COL17A1: variants seen among roughly 807,000 people sequenced by gnomAD.
COL17A1 encodes collagen type XVII alpha 1 chain, also known as collagen alpha-1(XVII) chain.
A neutral mutation model predicts 218.4 loss-of-function variants in COL17A1; 181 were observed. The observed-to-expected ratio is 0.83, with a 90% CI of 0.73 to 0.94. The LOEUF (loss-of-function observed/expected upper bound fraction) is 0.94. COL17A1 is among the 40% of genes least tolerant of loss of function. The pLI is 0.00. For synonymous variants in COL17A1, 721 were observed against 731.0 expected (o/e 0.99, Z 0.22); for missense variants, 1,924 against 1,945.9 (o/e 0.99, Z 0.21).
intron 48 of COL17A1, among the ~76,000 whole-genome samples, chr10:104,036,077 A>AGTGT (rs371975121): frequency 2.2e-5 from 1 of 44,718 alleles, no homozygotes; most frequent in African/African-American, 1.1e-4. Context: ...TGTGTATGGG[A>AGTGT]GTGTGTATGG....
At chr10:104,057,762 C>T (rs1048680654) in intron 16 of COL17A1, among the ~76,000 whole-genome samples, 5 of 152,064 alleles carry the variant, frequency 3.3e-5, no homozygotes, top group East Asian at 3.9e-4. Flanking sequence ...TTCTATCACA[C>T]GGCGGTGGAA....
chr10:104,054,505 T>C (rs2086500838), intron 20 of COL17A1, among the ~76,000 whole-genome samples: 1 of 151,762 alleles, frequency 6.6e-6, no homozygotes, highest in Non-Finnish European at 1.5e-5. Flanking sequence ...AGGGTGTGGG[T>C]GGCAAGGATC....
chr10:104,078,419 T>G, intron 3 of COL17A1, 123 bp downstream of exon 3: 1 of 1,214,828 alleles, frequency 8.2e-7, no homozygotes, highest in South Asian at 1.3e-5. Flanking sequence ...GTATAGAAAT[T>G]AATGTCAATA....
chr10:104,055,329 T>C, intron 19 of COL17A1, 43 bp downstream of exon 19: 1 of 1,613,800 alleles, frequency 6.2e-7, no homozygotes, highest in African/African-American at 1.3e-5. Context: ...CACTTCCAAC[T>C]GCAGGAAATG....
At chr10:104,037,234 G>T (rs2086309185) in intron 46 of COL17A1, 121 bp from the exon 47 acceptor site, 2 of 841,160 alleles carry the variant, frequency 2.4e-6, no homozygotes, top group Non-Finnish European at 3.9e-6. Context: ...TGGATGAATG[G>T]AGTATTACGA....
chr10:104,043,451 A>G (rs1589561146), intron 35 of COL17A1, 50 bp downstream of exon 35: 2 of 1,508,604 alleles, frequency 1.3e-6, no homozygotes, highest in African/African-American at 1.4e-5. Flanking sequence ...TAGAGTCACT[A>G]CCGCCAAGAC....
Position 104,037,146 on chromosome 10 carries a change from A to G in COL17A1, c.3209-33T>C, listed in dbSNP as rs767432495. 3.2e-6 allele frequency: 5 copies of G among 1,576,502 alleles called. No individual in the cohort carries two copies. In the Admixed American group the frequency reaches 9.2e-5, roughly 29 times the overall value. On this transcript the variant is annotated intron_variant, in intron 46 of 55. Transcript: ENST00000648076. ...GAAGAAAACCTCAGGTTACCTGCTT[A>G]GCAGGTACTGAAGCAACACCCTCAC...
rs2134559909 is a variant in COL17A1, at chr10:104,032,746, C to T, written c.4366G>A (p.Gly1456Ser). Residue 1456 changes from glycine to serine, a missense_variant, in exon 55 of 56, where the codon GGC becomes AGC. By Grantham distance (56) the Gly-to-Ser change is moderately conservative. Transcript: ENST00000648076. ...GGATGACCTGGTGGCCCAGCAGGGC[C>T]CCTGTCACCTGGAAGGAAAAATGGG... ...MGTPGPKGDR[G>S]PAGPPGHPGP... The T allele has an allele frequency of 1.2e-6, 2 of 1,614,172 alleles. No homozygotes were observed. Among genetic ancestry groups the T allele is most frequent in the African/African-American group, 2.7e-5 (2 of 75,048 alleles).
At chr10:104,032,355 G>A in intron 55 of COL17A1, 65 bp from the exon 56 acceptor site, 1 of 1,343,782 alleles carries the variant, frequency 7.4e-7, no homozygotes, top group South Asian at 1.2e-5. Flanking sequence ...TCTTGGCTTG[G>A]GCAATTATGG....
intron 12 of COL17A1, 29 bp from the exon 13 acceptor site, chr10:104,061,502 G>A (rs373578853): frequency 1.5e-4 from 244 of 1,606,816 alleles, no homozygotes; most frequent in Middle Eastern, 5.2e-4. Context: ...GGTCAGCATG[G>A]GAGGGTGGTT....
At chr10:104,042,388 A>G in intron 36 of COL17A1, 32 bp downstream of exon 36, 3 of 1,613,568 alleles carry the variant, frequency 1.9e-6, no homozygotes, top group Non-Finnish European at 1.7e-6. Flanking sequence ...GACTGGGCCC[A>G]TCGCTTTGCA....
rs903325898 is a variant in COL17A1, at chr10:104,036,423, G to A, written c.3418+69C>T. On this transcript the variant is annotated intron_variant, in intron 48 of 55. Transcript: ENST00000648076. Reference sequence around the variant, plus strand: ...GGGTCAGTGGGGCAATCACAGGGAAGTTCACGCTGCGAGTCCTCATCCCAG... The same window carrying A: ...GGGTCAGTGGGGCAATCACAGGGAAATTCACGCTGCGAGTCCTCATCCCAG... The A allele has an allele frequency of 4.0e-5, 65 of 1,605,660 alleles. No homozygotes were observed. In the African/African-American group the frequency reaches 8.2e-4, roughly 20 times the overall value.
intron 7 of COL17A1, among the ~76,000 whole-genome samples, chr10:104,072,318 A>G (rs1235275735): frequency 6.6e-6 from 1 of 152,122 alleles, no homozygotes; most frequent in Non-Finnish European, 1.5e-5. Context: ...TGTTCTAATA[A>G]AATTCCAGGC....
At chr10:104,053,343 A>G (rs967722782) in intron 22 of COL17A1, among the ~76,000 whole-genome samples, 6 of 152,086 alleles carry the variant, frequency 3.9e-5, no homozygotes, top group African/African-American at 1.4e-4. Context: ...CTCTGCCCCA[A>G]ACCTGCACAT....
chr10:104,066,372 A>G (rs550080865), intron 9 of COL17A1, among the ~76,000 whole-genome samples: 1 of 152,216 alleles, frequency 6.6e-6, no homozygotes, highest in Non-Finnish European at 1.5e-5. Context: ...AAAGCAAAAA[A>G]TGATAAAGTA....
chr10:104,049,303 G>T (rs1165474377), intron 29 of COL17A1, 106 bp downstream of exon 29: 1 of 1,003,478 alleles, frequency 1.0e-6, no homozygotes, highest in South Asian at 1.3e-5. Context: ...CCAGGAGTGG[G>T]CAGATTAGAG....
intron 35 of COL17A1, among the ~76,000 whole-genome samples, chr10:104,042,844 A>G (rs1398923132): frequency 6.6e-6 from 1 of 152,260 alleles, no homozygotes; most frequent in African/African-American, 2.4e-5. Flanking sequence ...ACAAAATAAC[A>G]GGCACTTTGG....
chr10:104,058,177 A>C lies in COL17A1; in HGVS notation c.1236T>G (p.Thr412=). Residue 412 remains threonine, a synonymous_variant, in exon 16 of 56, where the codon ACT becomes ACG. Transcript: ENST00000648076. ...LKAEANGDLK[T]VSTKGKTTTA... ...TGGTGGTCTTGCCCTTTGTGGACAC[A>C]GTCTTCAGGTCTCCTGAAAGGACAA... 2 of 1,614,224 alleles carry C rather than the reference A, an allele frequency of 1.2e-6. No individual in the cohort carries two copies.
At position 104,039,782 on chromosome 10, in the gene COL17A1, ACACACACACACACG is replaced by A. The variant is rs374443307; in HGVS notation, c.2789-156_2789-143del. ...CTAGAGATGCCACACACACACACACACACACACACACACGCACACGCACACTTGCACTACACCCA... is the reference window on the plus strand; with the variant it reads ...CTAGAGATGCCACACACACACACACACACACGCACACTTGCACTACACCCA... On this transcript the variant is annotated intron_variant, in intron 41 of 55. Transcript: ENST00000648076. The A allele has an allele frequency of 4.3e-4, 463 of 1,067,610 alleles. 2 individuals carry two copies. The African/African-American group carries it at 7.8e-3, about 18-fold the overall frequency. The allele number at this position is 1,067,610 out of a possible 1,614,324, so 66.1% of individuals were successfully genotyped here.
Sources: gnomAD v4.1 joint callset for allele counts (sites outside exome capture counted in the v4.1 genomes callset) on GRCh38, gnomAD v4.1.1 for gene constraint, MANE v1.5 for transcripts, NCBI Gene and HGNC (gene_info 2026-07-23, HGNC 2026-07-21) for gene names.